ADGRB3: variants seen among roughly 807,000 people sequenced by gnomAD.
ADGRB3 encodes brain-specific angiogenesis inhibitor 3.
Under a neutral mutation model 193.4 loss-of-function variants are expected in ADGRB3, and 37 were observed. The ratio of observed to expected loss-of-function variants is 0.19; its 90% CI spans 0.15 to 0.25. ADGRB3 has a LOEUF of 0.25. Among genes scored for constraint, ADGRB3 ranks in the 10% least tolerant of loss-of-function variants. The pLI, the probability that ADGRB3 is intolerant of heterozygous loss-of-function variation, is 1.00. For missense variants in ADGRB3, 1,637 were observed against 1,852.9 expected (o/e 0.88, Z 2.14); for synonymous variants, 690 against 644.2 (o/e 1.07, Z -1.08).
At position 68,889,918 on chromosome 6, in the gene ADGRB3, A is replaced by G. The variant is rs1050675143; in HGVS notation, c.758-40641A>G. 3.3e-5 allele frequency among the ~76,000 whole-genome samples: 5 copies of G among 152,318 alleles called. No homozygotes were observed. The South Asian group carries it at 1.0e-3, about 32-fold the overall frequency. On this transcript the variant is annotated intron_variant, in intron 3 of 31. Coordinates refer to ENST00000370598, the MANE Select transcript of ADGRB3 (RefSeq NM_001704.3). ...CTTTCATATTCCTTTGTAACTACAT[A>G]TATATTTTACATATATCATTATATA...
At chr6:68,677,141 G>T (rs773280473) in intron 3 of ADGRB3, among the ~76,000 whole-genome samples, 4 of 152,126 alleles carry the variant, frequency 2.6e-5, no homozygotes, top group Non-Finnish European at 5.9e-5. Context: ...TATTGGCGAG[G>T]TTCCGTTGTT....
intron 20 of ADGRB3, among the ~76,000 whole-genome samples, chr6:69,315,305 A>T (rs1768287567): frequency 1.3e-5 from 2 of 151,462 alleles, no homozygotes. Context: ...CTCCTTTGTA[A>T]AATATTTCCT....
chr6:69,005,610 G>A (rs749998061), intron 11 of ADGRB3, among the ~76,000 whole-genome samples: 7 of 151,960 alleles, frequency 4.6e-5, no homozygotes, highest in South Asian at 2.1e-4. Flanking sequence ...ATTCCCGGCC[G>A]ACCTAGTGAG....
chr6:69,256,037 G>T (rs1766761570), intron 20 of ADGRB3, among the ~76,000 whole-genome samples: 1 of 151,684 alleles, frequency 6.6e-6, no homozygotes, highest in Non-Finnish European at 1.5e-5. Context: ...ATTTCTGAGG[G>T]CTCTGTTCTG....
In ADGRB3 at chr6:69,019,439, T is replaced by C. The variant is rs185601152; in HGVS notation, c.2107+940T>C. Among the ~76,000 whole-genome samples, 1,027 of 151,990 alleles carry C rather than the reference T, an allele frequency of 6.8e-3. 13 individuals carry two copies. The highest frequency in any genetic ancestry group is 7.6e-3 in the Non-Finnish European group (514 of 67,874). ...AGGGAAGTTCAGCTGGTAGAGAACA[T>C]AATTTTTTTTTATGATTAAGGCTGT... On this transcript the variant is annotated intron_variant, in intron 13 of 31. Coordinates refer to ENST00000370598, the MANE Select transcript of ADGRB3 (RefSeq NM_001704.3).
intron 20 of ADGRB3, among the ~76,000 whole-genome samples, chr6:69,241,576 G>T (rs1282737006): frequency 1.3e-5 from 2 of 151,900 alleles, no homozygotes; most frequent in African/African-American, 4.8e-5. Context: ...ACCTTCACAG[G>T]TTTTCAATGT....
chr6:69,290,519 A>G (rs926029400), intron 20 of ADGRB3, among the ~76,000 whole-genome samples: 1 of 152,182 alleles, frequency 6.6e-6, no homozygotes, highest in Admixed American at 6.5e-5. Context: ...GGTTTCAAAT[A>G]AAGGATAGCT....
chr6:69,063,104 G>A (rs1183942512), intron 16 of ADGRB3, 68 bp downstream of exon 16: 2 of 1,147,688 alleles, frequency 1.7e-6, no homozygotes, highest in Non-Finnish European at 2.6e-6. Flanking sequence ...TCTTTCAACT[G>A]ATAACACCAG....
intron 3 of ADGRB3, among the ~76,000 whole-genome samples, chr6:68,681,504 T>A (rs2127298358): frequency 6.6e-6 from 1 of 152,180 alleles, no homozygotes; most frequent in African/African-American, 2.4e-5. Context: ...GGTCTCAAAC[T>A]TCCGGCCTCA....
chr6:68,821,319 C>T (rs1767744715), intron 3 of ADGRB3, among the ~76,000 whole-genome samples: 1 of 151,908 alleles, frequency 6.6e-6, no homozygotes, highest in African/African-American at 2.4e-5. Flanking sequence ...AGGGATTTTA[C>T]ATAAGCGTAA....
At chr6:68,817,537 A>C (rs978804392) in intron 3 of ADGRB3, among the ~76,000 whole-genome samples, 2 of 151,568 alleles carry the variant, frequency 1.3e-5, no homozygotes, top group Non-Finnish European at 2.9e-5. Flanking sequence ...GAATGCTAAA[A>C]TAGTACTTTT....
chr6:68,801,218 T>G (rs1767304111), intron 3 of ADGRB3, among the ~76,000 whole-genome samples: 1 of 152,222 alleles, frequency 6.6e-6, no homozygotes, highest in African/African-American at 2.4e-5. Context: ...GAATCTTCTG[T>G]TCTTAATAGA....
chr6:68,917,597 T>C (rs1766919799), intron 3 of ADGRB3, among the ~76,000 whole-genome samples: 1 of 152,150 alleles, frequency 6.6e-6, no homozygotes, highest in Non-Finnish European at 1.5e-5. Flanking sequence ...GAAGTTTGAT[T>C]GTTTGGATTT....
chr6:68,691,459 T>G (rs1765071291), intron 3 of ADGRB3, among the ~76,000 whole-genome samples: 1 of 152,004 alleles, frequency 6.6e-6, no homozygotes, highest in Non-Finnish European at 1.5e-5. Context: ...TAGCGGCAAC[T>G]TATATGCACT....
chr6:69,043,587 A>T (rs987408031), intron 13 of ADGRB3, among the ~76,000 whole-genome samples: 1 of 152,188 alleles, frequency 6.6e-6, no homozygotes, highest in Non-Finnish European at 1.5e-5. Flanking sequence ...CTTGGATTTG[A>T]TAACTGGAAA....
At chr6:68,883,665 C>T (rs1420231819) in intron 3 of ADGRB3, among the ~76,000 whole-genome samples, 2 of 151,990 alleles carry the variant, frequency 1.3e-5, no homozygotes, top group East Asian at 3.9e-4. Flanking sequence ...AAGGTCTGCA[C>T]CTTCACTCCT....
At chr6:68,667,980 G>A (rs921232411) in intron 3 of ADGRB3, among the ~76,000 whole-genome samples, 1 of 151,470 alleles carries the variant, frequency 6.6e-6, no homozygotes, top group Non-Finnish European at 1.5e-5. Context: ...ACATCCTGGG[G>A]ATCAGAACCA....
chr6:68,845,340 G>T (rs1768253003), intron 3 of ADGRB3, among the ~76,000 whole-genome samples: 2 of 152,124 alleles, frequency 1.3e-5, no homozygotes, highest in Admixed American at 6.6e-5. Flanking sequence ...ATAAGTCAAG[G>T]AACACCAAGC....
At chr6:69,075,863 A>T (rs1772214266) in intron 16 of ADGRB3, 132 bp from the exon 17 acceptor site, 3 of 678,330 alleles carry the variant, frequency 4.4e-6, no homozygotes, top group African/African-American at 1.9e-5. Flanking sequence ...ATAAATAATT[A>T]AAAAGAAATC....
Sources: gnomAD v4.1 joint callset for allele counts (sites outside exome capture counted in the v4.1 genomes callset) on GRCh38, gnomAD v4.1.1 for gene constraint, MANE v1.5 for transcripts, NCBI Gene and HGNC (gene_info 2026-07-23, HGNC 2026-07-21) for gene names.